Variants in ATP2A2 observed in about 807,000 individuals in gnomAD.
ATP2A2 encodes ATPase sarcoplasmic/endoplasmic reticulum Ca2+ transporting 2.
ATP2A2 carries 14 observed loss-of-function variants against 109.3 expected under a neutral mutation model. That is an observed-to-expected ratio of 0.13 (90% confidence interval 0.08 to 0.20). The LOEUF (loss-of-function observed/expected upper bound fraction) is 0.20, where lower values mean the gene tolerates loss of function less well. Among genes scored for constraint, ATP2A2 ranks in the 10% least tolerant of loss-of-function variants. ATP2A2 has a pLI of 1.00. For synonymous variants in ATP2A2, 506 were observed against 490.9 expected (o/e 1.03, Z -0.41); for missense variants, 657 against 1,321.6 (o/e 0.50, Z 7.80).
In ATP2A2 at chr12:110,339,474, T is replaced by C; in HGVS notation, c.1543-29T>C. 1 of 1,613,958 alleles carries C rather than the reference T, an allele frequency of 6.2e-7. No individual in the cohort carries two copies. Among genetic ancestry groups the C allele is most frequent in the Non-Finnish European group, 8.5e-7 (1 of 1,179,974 alleles). Reference sequence around the variant, plus strand: ...ATCCCGGTGAACCAATAAAACAAAATTGTTTATCTAAATCTGTAACATTTC... The same window carrying C: ...ATCCCGGTGAACCAATAAAACAAAACTGTTTATCTAAATCTGTAACATTTC... On this transcript the variant is annotated intron_variant, in intron 12 of 19. Transcript: ENST00000539276. This position sits in a 1 kb window ranked among gnomAD's most constrained non-coding sequence, Gnocchi z 4.4.
At chr12:110,313,995 A>G (rs1264367903) in intron 5 of ATP2A2, among the ~76,000 whole-genome samples, 1 of 149,622 alleles carries the variant, frequency 6.7e-6, no homozygotes, top group Non-Finnish European at 1.5e-5. Context: ...GATTACAGGC[A>G]TGAGCCACTG....
At position 110,340,548 on chromosome 12, in the gene ATP2A2, A is replaced by G. The variant is rs1879249346; in HGVS notation, c.1762-111A>G. ...AGCGAAACTCCGCCTCAAAAAAAAAAAAAGAAAAAAAATGCAGAAACCTGT... is the reference window on the plus strand; with the variant it reads ...AGCGAAACTCCGCCTCAAAAAAAAAGAAAGAAAAAAAATGCAGAAACCTGT... On this transcript the variant is annotated intron_variant, in intron 13 of 19. Coordinates refer to ENST00000539276, the MANE Select transcript of ATP2A2 (RefSeq NM_170665.4). The surrounding 1 kb of genome is among the most constrained non-coding windows in gnomAD (Gnocchi z 6.0). 1.5e-6 allele frequency: 2 copies of G among 1,314,646 alleles called. No individual in the cohort carries two copies. Among genetic ancestry groups the G allele is most frequent in the African/African-American group, 1.5e-5 (1 of 67,014 alleles). The allele number at this position is 1,314,646 out of a possible 1,614,324, so 81.4% of individuals were successfully genotyped here.
chr12:110,300,662 T>TA (rs1566209150), intron 5 of ATP2A2, among the ~76,000 whole-genome samples: 1 of 148,410 alleles, frequency 6.7e-6, no homozygotes, highest in Non-Finnish European at 1.5e-5. Context: ...TTTTTTTTTT[T>TA]AAAGTAAAGA....
chr12:110,295,841 T>A (rs1293822634), intron 4 of ATP2A2: 1 of 152,266 alleles, frequency 6.6e-6, no homozygotes, highest in East Asian at 1.9e-4. Flanking sequence ...GTCCAGCCAT[T>A]CATTGGTCTT....
Position 110,327,879 on chromosome 12 carries a change from G to C in ATP2A2, c.957G>C (p.Leu319=). 6.2e-7 allele frequency: 1 copy of C among 1,614,062 alleles called. No homozygotes were observed. The highest frequency in any genetic ancestry group is 8.5e-7 in the Non-Finnish European group (1 of 1,179,962). The change falls in exon 8 of 20, where the codon CTG becomes CTC. Residue 319 remains leucine (L), a synonymous_variant. Coordinates refer to ENST00000539276, the MANE Select transcript of ATP2A2 (RefSeq NM_170665.4). This position sits in a 1 kb window ranked among gnomAD's most constrained non-coding sequence, Gnocchi z 4.4. ...EGLPAVITTC[L]ALGTRRMAKK... ...TGCCTGCAGTCATCACCACCTGCCTGGCTCTTGGAACTCGCAGAATGGCAA... is the reference window on the plus strand; with the variant it reads ...TGCCTGCAGTCATCACCACCTGCCTCGCTCTTGGAACTCGCAGAATGGCAA...
chr12:110,284,501 G>A (rs1317337351), intron 3 of ATP2A2, among the ~76,000 whole-genome samples: 1 of 152,128 alleles, frequency 6.6e-6, no homozygotes, highest in African/African-American at 2.4e-5. Flanking sequence ...CACTGGGTCT[G>A]TTTTTTGAGT....
intron 4 of ATP2A2, among the ~76,000 whole-genome samples, chr12:110,294,286 G>A (rs1261252791): frequency 1.3e-5 from 2 of 151,894 alleles, no homozygotes; most frequent in African/African-American, 4.8e-5. Context: ...CTTGTGATCC[G>A]CCTGCCTCGG....
Position 110,342,386 on chromosome 12 carries a change from C to G in ATP2A2, c.2256C>G (p.Ile752Met), listed in dbSNP as rs1045819293. Residue 752 changes from isoleucine to methionine, a missense_variant, in exon 15 of 20, where the codon ATC (isoleucine) becomes ATG (methionine). Physicochemically the swap from Ile to Met is conservative, Grantham distance 10. Transcript: ENST00000539276. This position sits in a 1 kb window ranked among gnomAD's most constrained non-coding sequence, Gnocchi z 4.6. The stretch of plus-strand genomic sequence containing the variant: ...CTGCCGTTGAGGAGGGGCGGGCAAT[C>G]TACAACAACATGAAACAGTTCATCC... ...IVAAVEEGRAIYNNMKQFIRY... is the reference protein window; with the variant it reads ...IVAAVEEGRAMYNNMKQFIRY... The G allele has an allele frequency of 1.2e-6, 2 of 1,614,152 alleles. No individual in the cohort carries two copies. The highest frequency in any genetic ancestry group is 1.7e-6 in the Non-Finnish European group (2 of 1,180,034).
intron 5 of ATP2A2, among the ~76,000 whole-genome samples, chr12:110,297,139 G>A (rs774755257): frequency 1.3e-5 from 2 of 152,038 alleles, no homozygotes; most frequent in Non-Finnish European, 2.9e-5. Flanking sequence ...GTAATTTCTT[G>A]ACTCTGAAAG....
intron 4 of ATP2A2, among the ~76,000 whole-genome samples, chr12:110,293,506 T>C (rs1418083163): frequency 6.6e-6 from 1 of 151,062 alleles, no homozygotes; most frequent in Non-Finnish European, 1.5e-5. Context: ...GCAATTCTCC[T>C]GTCTCACCCT....
At chr12:110,335,165 T>G (rs1269411137) in intron 11 of ATP2A2, among the ~76,000 whole-genome samples, 1 of 152,174 alleles carries the variant, frequency 6.6e-6, no homozygotes, top group African/African-American at 2.4e-5. Context: ...AAAGAGCTGC[T>G]GCTCCCTCCT....
At chr12:110,286,974 T>A (rs750597918) in intron 3 of ATP2A2, among the ~76,000 whole-genome samples, 9 of 152,106 alleles carry the variant, frequency 5.9e-5, no homozygotes, top group Non-Finnish European at 7.4e-5. Context: ...TTTGGCCGGG[T>A]GCAGTGAGTG....
rs894470553 is a variant in ATP2A2 at position 110,348,782 on chromosome 12, C to G, written c.*2312C>G. 1.0e-6 allele frequency: 1 copy of G among 985,380 alleles called. No homozygotes were observed. The highest frequency in any genetic ancestry group is 1.7e-5 in the African/African-American group (1 of 57,206). 61.0% of individuals were successfully genotyped at this position (985,380 alleles called of 1,614,324 possible). On this transcript the variant is annotated 3_prime_UTR_variant, in exon 20 of 20. Transcript: ENST00000539276. Reference sequence around the variant, plus strand: ...CTCTCGGGAAGGGAGGCTGCTTTGCCCAGCAGGGAACATTTGGGGCAGGGG... The same window carrying G: ...CTCTCGGGAAGGGAGGCTGCTTTGCGCAGCAGGGAACATTTGGGGCAGGGG...
In ATP2A2 at chr12:110,334,236, A is replaced by C. The variant is rs1270292738; in HGVS notation, c.1419+93A>C. ...CACTGTCCTACTCTCTTAGAAAACT[A>C]ATTATACCTTATCTCCTCAAACTTA... On this transcript the variant is annotated intron_variant, in intron 11 of 19. Coordinates refer to ENST00000539276, the MANE Select transcript of ATP2A2 (RefSeq NM_170665.4). 2.0e-6 allele frequency: 3 copies of C among 1,464,266 alleles called. No individual in the cohort carries two copies. In the African/African-American group the frequency reaches 4.2e-5, roughly 20 times the overall value. The allele number at this position is 1,464,266 out of a possible 1,614,324, so 90.7% of individuals were successfully genotyped here.
In ATP2A2 at chr12:110,292,137, T is replaced by A; in HGVS notation, c.324+13T>A. ...GGGTGTATGGCAGGTAAGCAAAAAT[T>A]CCTGTACTGCAAAATTTCAATAAGT... On this transcript the variant is annotated intron_variant, in intron 4 of 19. Coordinates refer to ENST00000539276, the MANE Select transcript of ATP2A2 (RefSeq NM_170665.4). The A allele has an allele frequency of 1.9e-6, 3 of 1,584,650 alleles. No individual in the cohort carries two copies. Among genetic ancestry groups the A allele is most frequent in the South Asian group, 1.1e-5 (1 of 90,500 alleles).
chr12:110,337,663 G>A (rs1371976882), intron 11 of ATP2A2, among the ~76,000 whole-genome samples: 3 of 152,212 alleles, frequency 2.0e-5, no homozygotes, highest in Non-Finnish European at 4.4e-5. Flanking sequence ...TTTCTATGAT[G>A]ATTTTTAAAT....
intron 4 of ATP2A2, among the ~76,000 whole-genome samples, chr12:110,294,491 C>T (rs929074115): frequency 6.6e-6 from 1 of 152,024 alleles, no homozygotes; most frequent in Non-Finnish European, 1.5e-5. Context: ...AAGTCCCCGT[C>T]GCTACTAAAA....
At chr12:110,343,194 T>C (rs749546406) in intron 15 of ATP2A2, 38 bp from the exon 16 acceptor site, 12 of 1,600,444 alleles carry the variant, frequency 7.5e-6, no homozygotes, top group Middle Eastern at 2.0e-4. Flanking sequence ...CAGAAGTCAT[T>C]TGGGCTCTCT....
Position 110,314,866 on chromosome 12 carries a change from CT to C in ATP2A2, c.464-8109del, listed in dbSNP as rs372770725. ...ATGTCCAGAAAATCCAGAAGATACA[CT>C]TTTTTTTTTTTTTTTTGGAAATGGA... is the stretch of plus-strand genomic sequence containing the variant. On this transcript the variant is annotated intron_variant, in intron 5 of 19. Coordinates refer to ENST00000539276, the MANE Select transcript of ATP2A2 (RefSeq NM_170665.4). Among the ~76,000 whole-genome samples, 981 of 139,030 alleles carry C rather than the reference CT, an allele frequency of 7.1e-3. 5 individuals carry two copies. The highest frequency in any genetic ancestry group is 0.02 in the African/African-American group (760 of 38,196). 91.2% of individuals were successfully genotyped at this position (139,030 alleles called of 152,430 possible).
Sources: allele counts gnomAD v4.1 joint callset (sites outside exome capture counted in the v4.1 genomes callset), GRCh38; gene constraint gnomAD v4.1.1; non-coding constraint Gnocchi (gnomAD v3.1); transcripts MANE v1.5; gene names NCBI Gene and HGNC (gene_info 2026-07-23, HGNC 2026-07-21).